TAF3: variants seen among roughly 807,000 people sequenced by gnomAD.
TAF3 encodes TATA-box binding protein associated factor 3.
TAF3 carries 7 observed loss-of-function variants against 80.6 expected under a neutral mutation model. The ratio of observed to expected loss-of-function variants is 0.09; its 90% CI spans 0.05 to 0.16. The LOEUF is 0.16. TAF3 is among the 10% of genes least tolerant of loss of function. The probability of loss-of-function intolerance (pLI) is 1.00; values close to 1 mark genes in which losing one functional copy is unlikely to be tolerated. For missense variants in TAF3, 921 were observed against 1,140.2 expected (o/e 0.81, Z 2.77); for synonymous variants, 444 against 446.1 (o/e 1.00, Z 0.06).
intron 2 of TAF3, among the ~76,000 whole-genome samples, chr10:7,827,775 G>C (rs1459691681): frequency 2.1e-5 from 3 of 144,884 alleles, no homozygotes; most frequent in African/African-American, 7.7e-5. Flanking sequence ...GCGAGACTCT[G>C]TCTCAAAAAA....
At chr10:7,983,266 C>T (rs917064458) in intron 4 of TAF3, among the ~76,000 whole-genome samples, 1 of 152,170 alleles carries the variant, frequency 6.6e-6, no homozygotes. Flanking sequence ...GGAGGCTGCC[C>T]TGTCAGAAGG....
chr10:7,943,489 C>A (rs190854187), intron 2 of TAF3, among the ~76,000 whole-genome samples: 1 of 152,118 alleles, frequency 6.6e-6, no homozygotes, highest in African/African-American at 2.4e-5. Flanking sequence ...CCATGGCTTC[C>A]AAACCTCACA....
chr10:7,913,999 T>C (rs1837681613), intron 2 of TAF3, among the ~76,000 whole-genome samples: 1 of 152,216 alleles, frequency 6.6e-6, no homozygotes, highest in Non-Finnish European at 1.5e-5. Flanking sequence ...GGAACCATGA[T>C]TGTTCAAAAA....
Position 8,009,217 on chromosome 10 carries a change from G to T in TAF3, c.2455G>T (p.Ala819Ser). ...TGCGCCCGTGCCGCTGCCGCTGCTC[G>T]CCCAGGCCGCCGCGGGCCCTGCCCT... ...SPAPVPLPLL[A>S]QAAAGPALLP... Residue 819 changes from alanine (A) to serine (S), a missense_variant, in exon 5 of 7, where the codon GCC becomes TCC. Transcript: ENST00000344293. This position sits in a 1 kb window ranked among gnomAD's most constrained non-coding sequence, Gnocchi z 4.1. 6.9e-7 allele frequency: 1 copy of T among 1,453,028 alleles called. No individual in the cohort carries two copies. Among genetic ancestry groups the T allele is most frequent in the African/African-American group, 1.5e-5 (1 of 66,654 alleles). 90.0% of individuals were successfully genotyped at this position (1,453,028 alleles called of 1,614,324 possible). A position where few individuals can be genotyped will look rare whatever the true frequency, so the allele number is the denominator to read the frequency against.
At chr10:7,934,918 A>G (rs916849238) in intron 2 of TAF3, among the ~76,000 whole-genome samples, 1 of 152,212 alleles carries the variant, frequency 6.6e-6, no homozygotes, top group East Asian at 1.9e-4. Flanking sequence ...GAATAAAACC[A>G]AAGTCTGTAC....
chr10:8,011,026 C>T (rs557457692), intron 5 of TAF3, among the ~76,000 whole-genome samples: 9 of 152,242 alleles, frequency 5.9e-5, no homozygotes, highest in South Asian at 2.1e-4. Context: ...ATACAGATTA[C>T]GTTCTTTGGA....
rs916631729 is a variant in TAF3, at chr10:7,842,264, C to G, written c.409+17704C>G. 8.7e-5 allele frequency among the ~76,000 whole-genome samples: 13 copies of G among 148,586 alleles called. No individual in the cohort carries two copies. In the Admixed American group the frequency reaches 8.8e-4, roughly 10 times the overall value. ...TCGTAGTTCACTCCAACCTCTGCCT[C>G]CCGGGCTCAAGCAGTCCTACCACCA... On this transcript the variant is annotated intron_variant, in intron 2 of 6. Transcript: ENST00000344293.
intron 2 of TAF3, among the ~76,000 whole-genome samples, chr10:7,867,418 T>C (rs1401663525): frequency 6.6e-6 from 1 of 152,244 alleles, no homozygotes; most frequent in East Asian, 1.9e-4. Flanking sequence ...TTAGGAAACC[T>C]AGTGTTTAAA....
Position 8,000,523 on chromosome 10 carries a change from TTGGGAGGCCGAGA to T in TAF3, c.2316-8547_2316-8535del, listed in dbSNP as rs796648092. ...GCTTAATGCCTGCAATCTCAGCACT[TTGGGAGGCCGAGA>T]TGGGAGGATCACTTGAGTCCAGGAG... On this transcript the variant is annotated intron_variant, in intron 4 of 6. Transcript: ENST00000344293. 7.2e-4 allele frequency among the ~76,000 whole-genome samples: 110 copies of T among 152,170 alleles called. 1 individual carries two copies. Among genetic ancestry groups the T allele is most frequent in the African/African-American group, 2.5e-3 (104 of 41,526 alleles).
intron 2 of TAF3, among the ~76,000 whole-genome samples, chr10:7,848,754 GA>G (rs1373326705): frequency 6.6e-6 from 1 of 152,072 alleles, no homozygotes; most frequent in Non-Finnish European, 1.5e-5. Flanking sequence ...AAATGCTCTG[GA>G]AAAAATAAAG....
intron 2 of TAF3, among the ~76,000 whole-genome samples, chr10:7,904,929 C>A (rs1837593222): frequency 6.6e-6 from 1 of 152,166 alleles, no homozygotes. Context: ...GCTCCTCCTC[C>A]ACACTGAGCT....
intron 4 of TAF3, among the ~76,000 whole-genome samples, chr10:7,994,812 A>C (rs1033693415): frequency 2.1e-5 from 3 of 140,994 alleles, no homozygotes; most frequent in African/African-American, 8.7e-5. Context: ...AAAATACCAA[A>C]AAAAAAAAAA....
rs201338448 is a variant in TAF3 at position 7,963,996 on chromosome 10, T to G, written c.486T>G (p.Asp162Glu). The G allele has an allele frequency of 1.5e-4, 250 of 1,613,822 alleles. No homozygotes were observed. The highest frequency in any genetic ancestry group is 2.1e-4 in the Non-Finnish European group (247 of 1,179,984). ...EAMQVPLEED[D>E]ELEEEEIIND... ...TGCAGGTTCCCTTGGAAGAAGATGA[T>G]GAATTGGAGGAGGAAGAAATTATTA... Residue 162 changes from aspartate to glutamate, a missense_variant, in exon 3 of 7, where the codon GAT (aspartate) becomes GAG (glutamate). Asp to Glu is a conservative substitution (Grantham distance 45). Around this residue, in one of 6 missense-constraint regions of TAF3, gnomAD observed 743 missense variants for 821.0 expected, o/e 0.90. Transcript: ENST00000344293.
At chr10:7,959,244 T>A (rs1838166561) in intron 2 of TAF3, among the ~76,000 whole-genome samples, 1 of 152,222 alleles carries the variant, frequency 6.6e-6, no homozygotes, top group South Asian at 2.1e-4. Context: ...GAAGCTTTCT[T>A]ATAAAATCTT....
At chr10:7,894,379 C>T (rs949435982) in intron 2 of TAF3, among the ~76,000 whole-genome samples, 2 of 152,316 alleles carry the variant, frequency 1.3e-5, no homozygotes, top group South Asian at 4.1e-4. Context: ...ATCAAGTACT[C>T]GTTGCCTGCA....
chr10:7,960,229 T>G (rs1031438143), intron 2 of TAF3, among the ~76,000 whole-genome samples: 1 of 152,234 alleles, frequency 6.6e-6, no homozygotes, highest in Non-Finnish European at 1.5e-5. Flanking sequence ...TAAAGCTGTC[T>G]TCTTTCTGAT....
In TAF3 at chr10:7,977,303, C is replaced by T. The variant is rs200809294; in HGVS notation, c.2295C>T (p.Val765=). The change falls in exon 4 of 7, where the codon GTC becomes GTT. Residue 765 remains valine, a synonymous_variant. Transcript: ENST00000344293. Reference sequence around the variant, plus strand: ...TTATCCCCAGATTAACTCTCCGAGTCGGTGCTGGCCAAGACAAGATGTAAG... The same window carrying T: ...TTATCCCCAGATTAACTCTCCGAGTTGGTGCTGGCCAAGACAAGATGTAAG... ...SPVIPRLTLR[V]GAGQDKIVIS... 323 of 1,614,120 alleles carry T rather than the reference C, an allele frequency of 2.0e-4. 5 individuals carry two copies. In the Middle Eastern group the frequency reaches 2.8e-3, roughly 14 times the overall value.
At chr10:7,828,118 A>G (rs1387484059) in intron 2 of TAF3, among the ~76,000 whole-genome samples, 2 of 152,106 alleles carry the variant, frequency 1.3e-5, no homozygotes, top group African/African-American at 4.8e-5. Context: ...CCATAGTCCT[A>G]GCTACTTGGA....
intron 2 of TAF3, among the ~76,000 whole-genome samples, chr10:7,950,859 A>G (rs1838075117): frequency 6.6e-6 from 1 of 152,194 alleles, no homozygotes; most frequent in African/African-American, 2.4e-5. Flanking sequence ...TGTGTTTAAA[A>G]TGGCCCCAAA....
Sources: gnomAD v4.1 joint callset for allele counts (sites outside exome capture counted in the v4.1 genomes callset) on GRCh38, gnomAD v4.1.1 for gene constraint, gnomAD v4.1.1 regional missense constraint, Gnocchi (gnomAD v3.1) non-coding constraint, MANE v1.5 for transcripts, NCBI Gene and HGNC (gene_info 2026-07-23, HGNC 2026-07-21) for gene names.